The following ZBTB7C variants were observed in gnomAD, a reference collection of about 807,000 sequenced individuals.
The protein encoded by ZBTB7C is zinc finger and BTB domain-containing protein 7C.
Under a neutral mutation model 25.7 loss-of-function variants are expected in ZBTB7C, and 8 were observed. The ratio of observed to expected loss-of-function variants is 0.31; its 90% CI spans 0.18 to 0.56. The LOEUF is 0.56. ZBTB7C is among the 20% of genes least tolerant of loss of function. ZBTB7C has a pLI of 0.91. For missense variants in ZBTB7C, 824 were observed against 855.2 expected (o/e 0.96, Z 0.46); for synonymous variants, 394 against 369.0 (o/e 1.07, Z -0.78).
chr18:48,344,659 T>C (rs2046686182), intron 1 of ZBTB7C, among the ~76,000 whole-genome samples: 1 of 152,230 alleles, frequency 6.6e-6, no homozygotes, highest in Non-Finnish European at 1.5e-5. Context: ...TATGAAATTA[T>C]GACATTAGCC....
At chr18:48,203,151 T>C (rs1188546941) in intron 2 of ZBTB7C, among the ~76,000 whole-genome samples, 1 of 152,062 alleles carries the variant, frequency 6.6e-6, no homozygotes, top group East Asian at 1.9e-4. Flanking sequence ...TCTTCCCCCT[T>C]TTCTGCCCGG....
intron 3 of ZBTB7C, among the ~76,000 whole-genome samples, chr18:48,047,950 G>A (rs926390616): frequency 6.6e-6 from 1 of 152,216 alleles, no homozygotes; most frequent in Non-Finnish European, 1.5e-5. Context: ...CAATGTCTGA[G>A]CCAGGATTTG....
chr18:48,329,267 C>G (rs1468501196), intron 2 of ZBTB7C, among the ~76,000 whole-genome samples: 1 of 152,208 alleles, frequency 6.6e-6, no homozygotes, highest in African/African-American at 2.4e-5. Flanking sequence ...CATTTGACCA[C>G]CACTTTACAA....
At chr18:48,203,136 G>A (rs369405276) in intron 2 of ZBTB7C, among the ~76,000 whole-genome samples, 1 of 152,144 alleles carries the variant, frequency 6.6e-6, no homozygotes, top group Non-Finnish European at 1.5e-5. Context: ...CCTCTGCCAT[G>A]AGAGTCTTCC....
intron 2 of ZBTB7C, among the ~76,000 whole-genome samples, chr18:48,275,971 G>C (rs1343817301): frequency 1.3e-5 from 2 of 152,104 alleles, no homozygotes; most frequent in African/African-American, 2.4e-5. Context: ...CGAAGGCATG[G>C]GATCCTGGAA....
chr18:48,187,820 C>CAAAAAAAAAAAAAAAAAAAAAAAAAAAAA, intron 2 of ZBTB7C, among the ~76,000 whole-genome samples: 1 of 73,360 alleles, frequency 1.4e-5, no homozygotes, highest in East Asian at 4.3e-4. Flanking sequence ...GACCCCGTCT[C>CAAAAAAAAAAAAAAAAAAAAAAAAAAAAA]AAAAAAAAAA....
intron 1 of ZBTB7C, among the ~76,000 whole-genome samples, chr18:48,377,810 C>T (rs926961565): frequency 2.6e-5 from 4 of 152,204 alleles, no homozygotes; most frequent in Admixed American, 2.6e-4. Flanking sequence ...GCAAAACCCT[C>T]TTAACAGCTC....
intron 3 of ZBTB7C, among the ~76,000 whole-genome samples, chr18:48,072,222 G>T (rs577029590): frequency 4.6e-5 from 7 of 152,244 alleles, no homozygotes; most frequent in Non-Finnish European, 8.8e-5. Context: ...GTGAAAGTGA[G>T]TTGACACTCT....
At chr18:48,315,107 A>G (rs946172698) in intron 2 of ZBTB7C, among the ~76,000 whole-genome samples, 3 of 152,188 alleles carry the variant, frequency 2.0e-5, no homozygotes, top group African/African-American at 7.2e-5. Context: ...AGTTGGGACA[A>G]AATGTGTGTG....
chr18:48,202,652 G>C (rs1024632654), intron 2 of ZBTB7C, among the ~76,000 whole-genome samples: 30 of 152,064 alleles, frequency 2.0e-4, no homozygotes, highest in African/African-American at 6.3e-4. Flanking sequence ...GTGTACGGGG[G>C]AAGCTCTTTG....
intron 2 of ZBTB7C, among the ~76,000 whole-genome samples, chr18:48,269,098 C>T (rs2044400155): frequency 6.6e-6 from 1 of 151,796 alleles, no homozygotes; most frequent in African/African-American, 2.4e-5. Context: ...GTAGCTGGGA[C>T]CACAGGCACA....
chr18:48,287,570 G>T (rs2045094330), intron 2 of ZBTB7C, among the ~76,000 whole-genome samples: 1 of 152,168 alleles, frequency 6.6e-6, no homozygotes, highest in Non-Finnish European at 1.5e-5. Context: ...AACCCATTTT[G>T]TAAGGTGAAT....
At chr18:48,217,785 G>T (rs925100193) in intron 2 of ZBTB7C, among the ~76,000 whole-genome samples, 1 of 152,186 alleles carries the variant, frequency 6.6e-6, no homozygotes, top group Non-Finnish European at 1.5e-5. Flanking sequence ...GCCCTGTCTG[G>T]CCTGACTAGA....
intron 3 of ZBTB7C, among the ~76,000 whole-genome samples, chr18:48,161,447 T>G (rs2041026221): frequency 6.6e-6 from 1 of 151,868 alleles, no homozygotes; most frequent in African/African-American, 2.4e-5. Flanking sequence ...TCACGAAAAA[T>G]TCCCGAGCGT....
chr18:48,073,399 TGA>T (rs2037629042), intron 3 of ZBTB7C, among the ~76,000 whole-genome samples: 1 of 151,988 alleles, frequency 6.6e-6, no homozygotes. Context: ...GCGCCCAGCC[TGA>T]GTCACCCTGG....
intron 3 of ZBTB7C, among the ~76,000 whole-genome samples, chr18:48,129,937 C>T (rs976444516): frequency 2.0e-5 from 3 of 152,190 alleles, no homozygotes; most frequent in Admixed American, 6.5e-5. Flanking sequence ...CCTCTGCCTC[C>T]CTGCTCCCTA....
chr18:48,081,784 G>A (rs2037996111), intron 3 of ZBTB7C, among the ~76,000 whole-genome samples: 1 of 152,088 alleles, frequency 6.6e-6, no homozygotes, highest in African/African-American at 2.4e-5. Context: ...TTAGCCACAC[G>A]AGGCTATTAA....
At chr18:48,121,564 CTGCAGTAACAGT>C (rs988018918) in intron 3 of ZBTB7C, among the ~76,000 whole-genome samples, 1 of 152,202 alleles carries the variant, frequency 6.6e-6, no homozygotes, top group Non-Finnish European at 1.5e-5. Flanking sequence ...TGGTACATAC[CTGCAGTAACAGT>C]GGCTCTATGA....
intron 3 of ZBTB7C, among the ~76,000 whole-genome samples, chr18:48,164,248 G>A (rs969869159): frequency 6.6e-6 from 1 of 152,156 alleles, no homozygotes; most frequent in Non-Finnish European, 1.5e-5. Flanking sequence ...GCTTGCTCCT[G>A]GACTCACAGG....
Sources: gnomAD v4.1 joint callset for allele counts (sites outside exome capture counted in the v4.1 genomes callset) on GRCh38, gnomAD v4.1.1 for gene constraint, MANE v1.5 for transcripts, NCBI Gene and HGNC (gene_info 2026-07-23, HGNC 2026-07-21) for gene names.